The following NELL1 variants were observed in gnomAD, a reference collection of about 807,000 sequenced individuals.
NELL1 encodes the protein neural EGFL like 1, also known as protein kinase C-binding protein NELL1.
Under a neutral mutation model 107.4 loss-of-function variants are expected in NELL1, and 76 were observed. The observed-to-expected ratio is 0.71, with a 90% CI of 0.59 to 0.86. The LOEUF is 0.86. Among genes scored for constraint, NELL1 ranks in the 40% least tolerant of loss-of-function variants. The pLI, the probability that NELL1 is intolerant of heterozygous loss-of-function variation, is 0.00. For synonymous variants in NELL1, 353 were observed against 341.2 expected, an observed-to-expected ratio of 1.03 and a Z score of -0.38; for missense variants, 1,024 against 1,005.5, an observed-to-expected ratio of 1.02 and a Z score of -0.25.
At position 20,776,340 on chromosome 11, in the gene NELL1, G is replaced by A. The variant is rs181465845; in HGVS notation, c.185-7340G>A. Among the ~76,000 whole-genome samples, 504 of 152,248 alleles carry A rather than the reference G, an allele frequency of 3.3e-3. 1 individual carries two copies. The highest frequency in any genetic ancestry group is 0.011 in the African/African-American group (471 of 41,546). On this transcript the variant is annotated intron_variant, in intron 2 of 19. Coordinates refer to ENST00000357134, the MANE Select transcript of NELL1 (RefSeq NM_006157.5). ...TGTAGTCCCAGCTACTTGGGAGGCTGAGGCAGGAGAATCGCTTGAACCCGG... is the reference window on the plus strand; with the variant it reads ...TGTAGTCCCAGCTACTTGGGAGGCTAAGGCAGGAGAATCGCTTGAACCCGG...
intron 13 of NELL1, among the ~76,000 whole-genome samples, chr11:21,204,638 C>T (rs1450398935): frequency 6.6e-6 from 1 of 151,930 alleles, no homozygotes; most frequent in Non-Finnish European, 1.5e-5. Flanking sequence ...ATTCTCTGTC[C>T]AGTTTTGTTC....
At chr11:20,867,535 A>G (rs1755036666) in intron 4 of NELL1, among the ~76,000 whole-genome samples, 1 of 152,152 alleles carries the variant, frequency 6.6e-6, no homozygotes, top group South Asian at 2.1e-4. Flanking sequence ...CTCTGTGGTG[A>G]TGTTTGAAAG....
chr11:20,675,394 T>C (rs375822607), intron 1 of NELL1, among the ~76,000 whole-genome samples: 36 of 152,214 alleles, frequency 2.4e-4, no homozygotes, highest in African/African-American at 8.4e-4. Flanking sequence ...CATCTCATAC[T>C]ATCCCCAGAT....
intron 3 of NELL1, among the ~76,000 whole-genome samples, chr11:20,828,750 AGT>A (rs1249141966): frequency 6.6e-6 from 1 of 152,116 alleles, no homozygotes; most frequent in Admixed American, 6.6e-5. Context: ...AGTCAGTTTT[AGT>A]GTCTCACTTT....
intron 3 of NELL1, among the ~76,000 whole-genome samples, chr11:20,837,623 G>T (rs1390586255): frequency 6.6e-6 from 1 of 152,036 alleles, no homozygotes; most frequent in Non-Finnish European, 1.5e-5. Flanking sequence ...TGAGCATCTT[G>T]TAGTACTAGA....
At chr11:21,205,873 C>T (rs1299754999) in intron 13 of NELL1, among the ~76,000 whole-genome samples, 1 of 152,026 alleles carries the variant, frequency 6.6e-6, no homozygotes, top group Non-Finnish European at 1.5e-5. Context: ...TCTCTAAAAC[C>T]CTTATTCTTC....
chr11:20,755,545 T>G (rs958368423), intron 2 of NELL1, among the ~76,000 whole-genome samples: 29 of 40,496 alleles, frequency 7.2e-4, no homozygotes, highest in African/African-American at 2.2e-3. Flanking sequence ...TTTTTGTTTT[T>G]TTTTGTTTTT....
chr11:21,274,633 G>A (rs1212920006), intron 14 of NELL1, among the ~76,000 whole-genome samples: 1 of 152,104 alleles, frequency 6.6e-6, no homozygotes, highest in Non-Finnish European at 1.5e-5. Context: ...TTCCAAAATT[G>A]ACCACTTAGT....
intron 13 of NELL1, among the ~76,000 whole-genome samples, chr11:21,177,084 GT>G (rs781033227): frequency 6.6e-6 from 1 of 151,572 alleles, no homozygotes; most frequent in Non-Finnish European, 1.5e-5. Flanking sequence ...TCTCGCATAC[GT>G]ATCCCTTCTT....
chr11:21,397,183 T>A (rs1285872626), intron 15 of NELL1, among the ~76,000 whole-genome samples: 1 of 151,614 alleles, frequency 6.6e-6, no homozygotes. Context: ...ATCATATAGC[T>A]GTAAAGACTA....
intron 4 of NELL1, among the ~76,000 whole-genome samples, chr11:20,864,282 C>T (rs1849054408): frequency 6.6e-6 from 1 of 152,168 alleles, no homozygotes; most frequent in South Asian, 2.1e-4. Context: ...TTAACAGATG[C>T]ATTCTCTCAC....
chr11:20,865,201 A>C (rs899340602), intron 4 of NELL1, among the ~76,000 whole-genome samples: 2 of 152,226 alleles, frequency 1.3e-5, no homozygotes, highest in South Asian at 2.1e-4. Context: ...GATGAAGACG[A>C]ATACAACTTT....
intron 13 of NELL1, among the ~76,000 whole-genome samples, chr11:21,185,824 C>T (rs1208272254): frequency 6.6e-6 from 1 of 151,806 alleles, no homozygotes; most frequent in Non-Finnish European, 1.5e-5. Flanking sequence ...TGACTTTTAG[C>T]ACCTTATCTG....
chr11:21,505,695 A>G (rs1310737365), intron 15 of NELL1, among the ~76,000 whole-genome samples: 2 of 152,144 alleles, frequency 1.3e-5, no homozygotes, highest in African/African-American at 2.4e-5. Context: ...TATCTTTCCT[A>G]TGGAATTTCC....
intron 3 of NELL1, among the ~76,000 whole-genome samples, chr11:20,828,677 G>A (rs866142773): frequency 1.3e-5 from 2 of 152,296 alleles, no homozygotes; most frequent in African/African-American, 2.4e-5. Context: ...CCAGTCTCAC[G>A]TAGGACAGGA....
intron 9 of NELL1, among the ~76,000 whole-genome samples, chr11:20,933,000 G>C (rs972396145): frequency 6.6e-6 from 1 of 152,206 alleles, no homozygotes; most frequent in Admixed American, 6.5e-5. Flanking sequence ...GTACAAAGTA[G>C]GTAAGAACAT....
intron 15 of NELL1, among the ~76,000 whole-genome samples, chr11:21,442,841 A>G (rs1853318660): frequency 1.3e-5 from 2 of 152,168 alleles, no homozygotes; most frequent in African/African-American, 4.8e-5. Context: ...TGTAAACACA[A>G]TGAATATGCA....
At chr11:21,086,758 CA>C (rs1254252581) in intron 12 of NELL1, among the ~76,000 whole-genome samples, 3 of 149,748 alleles carry the variant, frequency 2.0e-5, no homozygotes, top group Non-Finnish European at 3.0e-5. Flanking sequence ...ATTTGAAAGG[CA>C]GATAGAAAAA....
chr11:20,916,279 G>A (rs1485880597), intron 5 of NELL1, among the ~76,000 whole-genome samples: 1 of 151,870 alleles, frequency 6.6e-6, no homozygotes, highest in East Asian at 1.9e-4. Context: ...CAGATTAAAA[G>A]TGGAAAGACA....
Sources: gnomAD v4.1 joint callset for allele counts (sites outside exome capture counted in the v4.1 genomes callset) on GRCh38, gnomAD v4.1.1 for gene constraint, MANE v1.5 for transcripts, NCBI Gene and HGNC (gene_info 2026-07-23, HGNC 2026-07-21) for gene names.